LRRFIP1: variants seen among roughly 807,000 people sequenced by gnomAD.
LRRFIP1 encodes leucine-rich repeat flightless-interacting protein 1.
In LRRFIP1, 62 loss-of-function variants were observed where a neutral mutation model predicts 104.4. The ratio of observed to expected loss-of-function variants is 0.59; its 90% CI spans 0.48 to 0.73. LRRFIP1 has a LOEUF of 0.73. LRRFIP1 is among the 30% of genes least tolerant of loss of function. The pLI is 0.00. For missense variants in LRRFIP1, 796 were observed against 824.5 expected (o/e 0.97, Z 0.42); for synonymous variants, 300 against 299.0 (o/e 1.00, Z -0.03).
intron 1 of LRRFIP1, among the ~76,000 whole-genome samples, chr2:237,641,783 A>G (rs1179642505): frequency 1.3e-5 from 2 of 152,182 alleles, no homozygotes; most frequent in Non-Finnish European, 2.9e-5. Context: ...CCAGGTGAAA[A>G]TAACATATAA....
At chr2:237,692,125 G>GA (rs2092824488) in intron 1 of LRRFIP1, 1 of 890,020 alleles carries the variant, frequency 1.1e-6, no homozygotes, top group African/African-American at 2.2e-5. Context: ...TAGCCGGGAG[G>GA]GCCCCTCCGA....
In LRRFIP1 at chr2:237,642,311, C is replaced by G. The variant is rs369692144; in HGVS notation, c.96+14571C>G. 2.0e-4 allele frequency among the ~76,000 whole-genome samples: 31 copies of G among 152,374 alleles called. No homozygotes were observed. The South Asian group carries it at 4.4e-3, about 21-fold the overall frequency. Reference sequence around the variant, plus strand: ...CCTGGCTTCTGTCCCCAGCTTCACTCCAGGTTCTAGGCTGCACGCCTGGTT... The same window carrying G: ...CCTGGCTTCTGTCCCCAGCTTCACTGCAGGTTCTAGGCTGCACGCCTGGTT... On this transcript the variant is annotated intron_variant, in intron 1 of 23. Coordinates refer to ENST00000308482, the MANE Select transcript of LRRFIP1 (RefSeq NM_001137550.2).
In LRRFIP1 at chr2:237,769,943, A is replaced by G; in HGVS notation, c.1460A>G (p.Asp487Gly). Residue 487 changes from aspartate (D) to glycine (G), a missense_variant and splice_region_variant, in exon 20 of 24, where the codon GAT (aspartate) becomes GGT (glycine). Physicochemically the swap from Asp to Gly is moderately conservative, Grantham distance 94 (BLOSUM62 -1). Transcript: ENST00000308482. ...ACCTGTGTCTTTGTGATTTCTTTAGATATTAGGTTGAAAAAGCTGGTTGAT... is the reference window on the plus strand; with the variant it reads ...ACCTGTGTCTTTGTGATTTCTTTAGGTATTAGGTTGAAAAAGCTGGTTGAT... ...ALKSTGDGTL[D>G]IRLKKLVDER... 1 of 1,600,234 alleles carries G rather than the reference A, an allele frequency of 6.2e-7. No individual in the cohort carries two copies. The highest frequency in any genetic ancestry group is 8.5e-7 in the Non-Finnish European group (1 of 1,172,278).
intron 1 of LRRFIP1, among the ~76,000 whole-genome samples, chr2:237,657,415 G>A (rs1388101190): frequency 6.6e-6 from 1 of 152,160 alleles, no homozygotes; most frequent in Non-Finnish European, 1.5e-5. Context: ...CATAGAGATA[G>A]TACAGTCACT....
intron 11 of LRRFIP1, among the ~76,000 whole-genome samples, chr2:237,745,154 T>C (rs2057663538): frequency 6.6e-6 from 1 of 152,254 alleles, no homozygotes; most frequent in African/African-American, 2.4e-5. Flanking sequence ...TGCCTGCGGC[T>C]TCTGTCCGGG....
At chr2:237,677,173 G>A (rs1371331034) in intron 1 of LRRFIP1, among the ~76,000 whole-genome samples, 5 of 152,092 alleles carry the variant, frequency 3.3e-5, no homozygotes, top group African/African-American at 1.2e-4. Flanking sequence ...CTGAAACTCT[G>A]CCCCCATTAA....
At chr2:237,762,830 A>C (rs771817932) in intron 19 of LRRFIP1, 1 of 1,614,240 alleles carries the variant, frequency 6.2e-7, no homozygotes, top group Non-Finnish European at 8.5e-7. Flanking sequence ...ACAGGTTCAA[A>C]GCCAAATTCT....
At chr2:237,705,444 A>G (rs2093755584) in intron 1 of LRRFIP1, among the ~76,000 whole-genome samples, 1 of 152,094 alleles carries the variant, frequency 6.6e-6, no homozygotes. Context: ...GGTGAGTGGC[A>G]TGAACCCAGG....
intron 1 of LRRFIP1, among the ~76,000 whole-genome samples, chr2:237,633,880 C>G (rs2082730970): frequency 6.6e-6 from 1 of 152,176 alleles, no homozygotes; most frequent in African/African-American, 2.4e-5. Flanking sequence ...TTCTTCCTAT[C>G]CCTGGCACAT....
rs1036538747 is a variant in LRRFIP1 at position 237,711,591 on chromosome 2, G to A, written c.184-2668G>A. On this transcript the variant is annotated intron_variant, in intron 2 of 23. Transcript: ENST00000308482. The surrounding 1 kb of genome is among the most constrained non-coding windows in gnomAD (Gnocchi z 4.4). The stretch of plus-strand genomic sequence containing the variant: ...TTCTTCCCTCACGACCGTGGCTTGC[G>A]GCTGTGACACAGGGCGGGCGTCGTG... Among the ~76,000 whole-genome samples the A allele has an allele frequency of 5.3e-5, 8 of 152,240 alleles. No individual in the cohort carries two copies. The highest frequency in any genetic ancestry group is 1.9e-4 in the East Asian group (1 of 5,190).
At chr2:237,638,059 G>C (rs760367666) in intron 1 of LRRFIP1, among the ~76,000 whole-genome samples, 1 of 152,166 alleles carries the variant, frequency 6.6e-6, no homozygotes, top group Non-Finnish European at 1.5e-5. Context: ...AGGGTGTGGG[G>C]ATGGTTTTGA....
At chr2:237,650,078 C>G (rs1316027550) in intron 1 of LRRFIP1, among the ~76,000 whole-genome samples, 2 of 151,998 alleles carry the variant, frequency 1.3e-5, no homozygotes, top group African/African-American at 2.4e-5. Flanking sequence ...GAGCAGACAG[C>G]TCTGTAACAT....
At chr2:237,692,155 C>T (rs1032189287) in intron 1 of LRRFIP1, 3 of 673,076 alleles carry the variant, frequency 4.5e-6, no homozygotes, top group Non-Finnish European at 5.0e-6. Context: ...GCGTGGGGGG[C>T]GGGGCGGGCC....
Position 237,627,664 on chromosome 2 carries a change from G to T in LRRFIP1, c.20G>T (p.Gly7Val). The change falls in exon 1 of 24, where the codon GGA becomes GTA. Residue 7 changes from glycine (G) to valine (V), a missense_variant. Transcript: ENST00000308482. The part of the protein sequence containing the change: MDMGTQ[G>V]SGRKRLPNRE... ...CGGTCGATGGACATGGGCACCCAGG[G>T]ATCGGGGCGCAAGCGGCTCCCCAAC... 1.5e-6 allele frequency: 2 copies of T among 1,363,330 alleles called. No individual in the cohort carries two copies. Among genetic ancestry groups the T allele is most frequent in the Non-Finnish European group, 1.9e-6 (2 of 1,045,506 alleles). The allele number at this position is 1,363,330 out of a possible 1,614,324, so 84.5% of individuals were successfully genotyped here. A position where few individuals can be genotyped will look rare whatever the true frequency, so the allele number is the denominator to read the frequency against.
At chr2:237,765,394 C>T in intron 19 of LRRFIP1, 1 of 747,262 alleles carries the variant, frequency 1.3e-6, no homozygotes, top group Non-Finnish European at 1.6e-6. Flanking sequence ...TATGATTGCA[C>T]ACTGTACTCT....
chr2:237,775,311 C>T (rs924660580), intron 23 of LRRFIP1, among the ~76,000 whole-genome samples: 3 of 152,192 alleles, frequency 2.0e-5, no homozygotes, highest in African/African-American at 7.2e-5. Context: ...AGGATCAGCA[C>T]GTGCAGGGGA....
At chr2:237,648,909 G>A (rs1048725576) in intron 1 of LRRFIP1, among the ~76,000 whole-genome samples, 2 of 151,888 alleles carry the variant, frequency 1.3e-5, no homozygotes, top group Non-Finnish European at 2.9e-5. Context: ...ATCTTTTCAG[G>A]ATGTTTTCCT....
chr2:237,668,491 A>G (rs1388725038), intron 1 of LRRFIP1, among the ~76,000 whole-genome samples: 2 of 152,086 alleles, frequency 1.3e-5, no homozygotes, highest in Non-Finnish European at 2.9e-5. Flanking sequence ...TCCGGGATAC[A>G]TTTTAAAGCC....
chr2:237,675,186 G>A (rs770892710), intron 1 of LRRFIP1, among the ~76,000 whole-genome samples: 1 of 152,170 alleles, frequency 6.6e-6, no homozygotes, highest in Non-Finnish European at 1.5e-5. Flanking sequence ...CCATCACCCC[G>A]GTCTTTGTCT....
Sources: gnomAD v4.1 joint callset for allele counts (sites outside exome capture counted in the v4.1 genomes callset) on GRCh38, gnomAD v4.1.1 for gene constraint, Gnocchi (gnomAD v3.1) non-coding constraint, MANE v1.5 for transcripts, NCBI Gene and HGNC (gene_info 2026-07-23, HGNC 2026-07-21) for gene names.